PLD5: variants seen among roughly 807,000 people sequenced by gnomAD.
PLD5 encodes inactive phospholipase D5.
In PLD5, 36 loss-of-function variants were observed where a neutral mutation model predicts 61.1. The observed-to-expected ratio is 0.59, with a 90% CI of 0.45 to 0.78. The LOEUF is 0.78. Among genes scored for constraint, PLD5 ranks in the 30% least tolerant of loss-of-function variants. The pLI, the probability that PLD5 is intolerant of heterozygous loss-of-function variation, is 0.00. For missense variants in PLD5, 515 were observed against 644.4 expected, an observed-to-expected ratio of 0.80 and a Z score of 2.17; for synonymous variants, 243 against 242.8, an observed-to-expected ratio of 1.00 and a Z score of -0.01.
rs990999985 is a variant in PLD5 at position 242,524,028 on chromosome 1, A to T, written c.189+60T>A. The T allele has an allele frequency of 1.3e-5, 19 of 1,475,384 alleles. No homozygotes were observed. In the African/African-American group the frequency reaches 1.3e-4, roughly 10 times the overall value. 91.4% of individuals were successfully genotyped at this position (1,475,384 alleles called of 1,614,324 possible). ...CCCCGCGCGCGCTCATGCCACCACC[A>T]CGGGGAGGGTGCATGCGGCAGGTGC... is the stretch of plus-strand genomic sequence containing the variant. On this transcript the variant is annotated intron_variant, in intron 1 of 9. Coordinates refer to ENST00000536534, the MANE Select transcript of PLD5 (RefSeq NM_001372062.1).
rs1558468967 is a variant in PLD5 at position 242,328,337 on chromosome 1, CGTGTGTTCTACAT to C, written c.326+19756_326+19768del. On this transcript the variant is annotated intron_variant, in intron 2 of 9. Transcript: ENST00000536534. ...GTTCTACATATATGTGTTTTACATACGTGTGTTCTACATGTGTGTTCTACATATGTGTTCTACA... is the reference window on the plus strand; with the variant it reads ...GTTCTACATATATGTGTTTTACATACGTGTGTTCTACATATGTGTTCTACA... Among the ~76,000 whole-genome samples, 18 of 151,416 alleles carry C rather than the reference CGTGTGTTCTACAT, an allele frequency of 1.2e-4. 1 individual carries two copies. Among genetic ancestry groups the C allele is most frequent in the Admixed American group, 5.9e-4 (9 of 15,202 alleles).
chr1:242,149,488 T>G (rs1174024456), intron 5 of PLD5, among the ~76,000 whole-genome samples: 1 of 151,550 alleles, frequency 6.6e-6, no homozygotes, highest in Non-Finnish European at 1.5e-5. Context: ...CATCATAAGA[T>G]GAGTTGGAAA....
intron 9 of PLD5, among the ~76,000 whole-genome samples, chr1:242,099,593 C>T (rs1179748409): frequency 6.6e-6 from 1 of 152,170 alleles, no homozygotes; most frequent in Non-Finnish European, 1.5e-5. Context: ...GCCCTGGATG[C>T]CAGACCCGGC....
chr1:242,346,065 G>A (rs1291281386), intron 2 of PLD5, among the ~76,000 whole-genome samples: 11 of 111,606 alleles, frequency 9.9e-5, no homozygotes, highest in Admixed American at 5.3e-4. Flanking sequence ...ACATATATAT[G>A]ATATATGTTA....
chr1:242,430,151 C>T (rs1665641039), intron 1 of PLD5, among the ~76,000 whole-genome samples: 1 of 151,744 alleles, frequency 6.6e-6, no homozygotes, highest in Non-Finnish European at 1.5e-5. Context: ...GGGCCTAGCA[C>T]ATAGCATCTC....
At chr1:242,373,415 A>G (rs1661758921) in intron 1 of PLD5, among the ~76,000 whole-genome samples, 1 of 152,226 alleles carries the variant, frequency 6.6e-6, no homozygotes, top group Non-Finnish European at 1.5e-5. Context: ...ATCTAGAACT[A>G]GAAATACCAT....
intron 1 of PLD5, among the ~76,000 whole-genome samples, chr1:242,432,906 T>C (rs1665795092): frequency 6.6e-6 from 1 of 152,142 alleles, no homozygotes; most frequent in Non-Finnish European, 1.5e-5. Flanking sequence ...AGAGATGGAA[T>C]TTTTCGGATT....
chr1:242,463,770 G>A (rs1037675470), intron 1 of PLD5, among the ~76,000 whole-genome samples: 7 of 150,494 alleles, frequency 4.7e-5, no homozygotes, highest in African/African-American at 1.2e-4. Context: ...CCTCTTCTAT[G>A]AAAAAAAAAT....
chr1:242,333,018 C>T (rs1237921554), intron 2 of PLD5, among the ~76,000 whole-genome samples: 1 of 152,146 alleles, frequency 6.6e-6, no homozygotes, highest in Non-Finnish European at 1.5e-5. Context: ...AGGAAGAAGG[C>T]TGTGCCCAGC....
intron 4 of PLD5, among the ~76,000 whole-genome samples, chr1:242,248,982 T>C (rs1249001539): frequency 2.0e-5 from 3 of 152,120 alleles, no homozygotes; most frequent in African/African-American, 7.2e-5. Context: ...ACCTCACCTC[T>C]AATAAAAATA....
chr1:242,368,919 T>A (rs1661484618), intron 1 of PLD5, among the ~76,000 whole-genome samples: 1 of 152,208 alleles, frequency 6.6e-6, no homozygotes, highest in Non-Finnish European at 1.5e-5. Flanking sequence ...TTGCCCTCAC[T>A]ATCTGCCTAA....
At chr1:242,178,202 T>A (rs905757449) in intron 5 of PLD5, 1 of 152,222 alleles carries the variant, frequency 6.6e-6, no homozygotes, top group African/African-American at 2.4e-5. Context: ...ATCGCCCATA[T>A]ATACACTTGC....
intron 1 of PLD5, among the ~76,000 whole-genome samples, chr1:242,426,606 A>C (rs1395789531): frequency 6.6e-6 from 1 of 152,228 alleles, no homozygotes; most frequent in East Asian, 1.9e-4. Context: ...GATATCATAC[A>C]TGTGCTCTGT....
intron 5 of PLD5, among the ~76,000 whole-genome samples, chr1:242,149,107 T>A (rs1483973192): frequency 1.3e-5 from 2 of 151,962 alleles, no homozygotes; most frequent in African/African-American, 4.8e-5. Context: ...ATTTAGTCTT[T>A]TTCTATTAAA....
At chr1:242,150,084 A>C (rs1664824532) in intron 5 of PLD5, among the ~76,000 whole-genome samples, 1 of 151,790 alleles carries the variant, frequency 6.6e-6, no homozygotes, top group Non-Finnish European at 1.5e-5. Flanking sequence ...TTTCCTCTTC[A>C]CACAATCAAT....
At chr1:242,142,535 A>G (rs116470030) in intron 5 of PLD5, among the ~76,000 whole-genome samples, 279 of 152,338 alleles carry the variant, frequency 1.8e-3, no homozygotes, top group Non-Finnish European at 3.2e-3. Flanking sequence ...TACTTTATAT[A>G]TTCTAAGATG....
chr1:242,315,417 C>T (rs1297476954), intron 2 of PLD5, among the ~76,000 whole-genome samples: 2 of 152,060 alleles, frequency 1.3e-5, no homozygotes, highest in African/African-American at 2.4e-5. Context: ...TTATTGAGTA[C>T]CTACAATGAT....
At chr1:242,259,070 A>G (rs1400532090) in intron 4 of PLD5, among the ~76,000 whole-genome samples, 2 of 152,234 alleles carry the variant, frequency 1.3e-5, no homozygotes, top group Non-Finnish European at 2.9e-5. Context: ...ATATTAATGA[A>G]CAATGGAGAA....
At chr1:242,180,808 C>A (rs1667469605) in intron 5 of PLD5, among the ~76,000 whole-genome samples, 2 of 152,104 alleles carry the variant, frequency 1.3e-5, no homozygotes, top group African/African-American at 4.8e-5. Flanking sequence ...TAGGGAGACC[C>A]TGTCTCTACA....
Sources: allele counts gnomAD v4.1 joint callset (sites outside exome capture counted in the v4.1 genomes callset), GRCh38; gene constraint gnomAD v4.1.1; transcripts MANE v1.5; gene names NCBI Gene and HGNC (gene_info 2026-07-23, HGNC 2026-07-21).